GALNT10: variants seen among roughly 807,000 people sequenced by gnomAD.
The protein encoded by GALNT10 is GalNAc transferase 10.
In GALNT10, 41 loss-of-function variants were observed where a neutral mutation model predicts 75.0. That is an observed-to-expected ratio of 0.55 (90% confidence interval 0.43 to 0.71). The LOEUF (loss-of-function observed/expected upper bound fraction) is 0.71. GALNT10 is among the 30% of genes least tolerant of loss of function. The pLI, the probability that GALNT10 is intolerant of heterozygous loss-of-function variation, is 0.00. For missense variants in GALNT10, 727 were observed against 818.5 expected, an observed-to-expected ratio of 0.89 and a Z score of 1.36; for synonymous variants, 302 against 313.0, an observed-to-expected ratio of 0.96 and a Z score of 0.37.
chr5:154,338,484 T>C (rs1754979195), intron 4 of GALNT10: 1 of 250,116 alleles, frequency 4.0e-6, no homozygotes, highest in Non-Finnish European at 7.8e-6. Context: ...TAATGGTGCT[T>C]CCTCAGTGGC....
intron 1 of GALNT10, among the ~76,000 whole-genome samples, chr5:154,273,963 A>C (rs190497869): frequency 2.4e-3 from 359 of 152,308 alleles, no homozygotes; most frequent in African/African-American, 8.3e-3. Flanking sequence ...CATTGAATGT[A>C]GTTTGAAAAT....
intron 1 of GALNT10, among the ~76,000 whole-genome samples, chr5:154,221,691 TG>T (rs1315079199): frequency 1.3e-5 from 2 of 152,218 alleles, no homozygotes; most frequent in East Asian, 1.9e-4. Context: ...TGCCAGGACT[TG>T]GGTACTGAAG....
chr5:154,269,730 G>A (rs1442281872), intron 1 of GALNT10, among the ~76,000 whole-genome samples: 4 of 152,226 alleles, frequency 2.6e-5, no homozygotes, highest in African/African-American at 4.8e-5. Flanking sequence ...TGTCAGTGGA[G>A]GGAGCCTGGT....
chr5:154,323,135 T>A (rs1391956214), intron 3 of GALNT10, among the ~76,000 whole-genome samples: 1 of 152,218 alleles, frequency 6.6e-6, no homozygotes, highest in African/African-American at 2.4e-5. Context: ...AGATAGTAAA[T>A]GTTACGGGCT....
rs768068079 is a variant in GALNT10 at position 154,412,886 on chromosome 5, C to G, written c.1387-3C>G. ...GTCCACTTCTTCCCTCTTTCCCTTT[C>G]AGATCCGAAATGTGGGCACAGGGCT... On this transcript the variant is annotated splice_polypyrimidine_tract_variant and splice_region_variant and intron_variant, in intron 9 of 11. Transcript: ENST00000297107. The surrounding 1 kb of genome is among the most constrained non-coding windows in gnomAD (Gnocchi z 4.2). The G allele has an allele frequency of 6.2e-6, 10 of 1,606,532 alleles. No individual in the cohort carries two copies. The South Asian group carries it at 9.9e-5, about 16-fold the overall frequency.
chr5:154,275,085 TAC>T (rs1159822622), intron 1 of GALNT10, among the ~76,000 whole-genome samples: 3 of 152,236 alleles, frequency 2.0e-5, no homozygotes, highest in Non-Finnish European at 4.4e-5. Flanking sequence ...CTCTCTGGAC[TAC>T]CACATCACCG....
intron 1 of GALNT10, among the ~76,000 whole-genome samples, chr5:154,252,405 A>G (rs745581723): frequency 6.6e-6 from 1 of 152,156 alleles, no homozygotes; most frequent in African/African-American, 2.4e-5. Flanking sequence ...AGATATTGAT[A>G]ACAGTTTTGC....
chr5:154,344,217 T>G (rs1456408831), intron 4 of GALNT10, among the ~76,000 whole-genome samples: 1 of 146,176 alleles, frequency 6.8e-6, no homozygotes, highest in Non-Finnish European at 1.5e-5. Flanking sequence ...TTCTTTTTTT[T>G]TTTTTTTTGA....
At chr5:154,196,645 G>A (rs185115755) in intron 1 of GALNT10, among the ~76,000 whole-genome samples, 1 of 152,276 alleles carries the variant, frequency 6.6e-6, no homozygotes, top group East Asian at 1.9e-4. Context: ...CTAGAGGAGA[G>A]GGTCTGTCTC....
intron 4 of GALNT10, among the ~76,000 whole-genome samples, chr5:154,372,200 G>C (rs1010580562): frequency 1.1e-4 from 16 of 152,174 alleles, no homozygotes; most frequent in African/African-American, 3.9e-4. Flanking sequence ...TGTGCCCTCA[G>C]TTTCCTCATC....
At chr5:154,383,152 C>T (rs565145280) in intron 6 of GALNT10, among the ~76,000 whole-genome samples, 4 of 152,328 alleles carry the variant, frequency 2.6e-5, no homozygotes, top group Non-Finnish European at 4.4e-5. Context: ...TCCCATGATT[C>T]CTTCCAGAAG....
chr5:154,239,805 G>A (rs1211139876), intron 1 of GALNT10, among the ~76,000 whole-genome samples: 1 of 152,202 alleles, frequency 6.6e-6, no homozygotes, highest in Admixed American at 6.5e-5. Context: ...TTCTGGCCTT[G>A]TAGTAATAGA....
intron 4 of GALNT10, 87 bp downstream of exon 4, chr5:154,329,825 G>C: frequency 1.1e-6 from 1 of 900,894 alleles, no homozygotes. Flanking sequence ...TTCTTTAGCA[G>C]CATCAACATA....
intron 1 of GALNT10, among the ~76,000 whole-genome samples, chr5:154,231,950 G>A (rs2113663004): frequency 6.6e-6 from 1 of 152,304 alleles, no homozygotes; most frequent in Non-Finnish European, 1.5e-5. Context: ...AGCCCAAAGA[G>A]CCTGTTAAGT....
chr5:154,253,002 G>GTTTTTTTTTT (rs373849888), intron 1 of GALNT10, among the ~76,000 whole-genome samples: 2 of 89,846 alleles, frequency 2.2e-5, no homozygotes, highest in East Asian at 4.0e-4. Flanking sequence ...TTTTTTAGTG[G>GTTTTTTTTTT]TTTTTTTTTT....
intron 3 of GALNT10, among the ~76,000 whole-genome samples, chr5:154,328,830 A>G (rs1015968621): frequency 2.6e-5 from 4 of 152,186 alleles, no homozygotes; most frequent in Non-Finnish European, 4.4e-5. Flanking sequence ...GATATTAGAA[A>G]GGATACAAAT....
At chr5:154,401,801 C>G (rs1475600252) in intron 7 of GALNT10, among the ~76,000 whole-genome samples, 1 of 152,142 alleles carries the variant, frequency 6.6e-6, no homozygotes, top group Non-Finnish European at 1.5e-5. Flanking sequence ...CCTTCTAGAG[C>G]CCCTGAATTA....
chr5:154,301,449 T>C (rs1026857145), intron 3 of GALNT10, among the ~76,000 whole-genome samples: 2 of 152,174 alleles, frequency 1.3e-5, no homozygotes, highest in Admixed American at 6.5e-5. Flanking sequence ...ACATGTGATG[T>C]TTTGATATGG....
chr5:154,393,061 A>AAAAAAAAC (rs1755936166), intron 7 of GALNT10: 1 of 76,938 alleles, frequency 1.3e-5, no homozygotes, highest in Non-Finnish European at 2.5e-5. Flanking sequence ...TCTCCACAAA[A>AAAAAAAAC]AAAAAAAAAA....
Sources: gnomAD v4.1 joint callset for allele counts (sites outside exome capture counted in the v4.1 genomes callset) on GRCh38, gnomAD v4.1.1 for gene constraint, Gnocchi (gnomAD v3.1) non-coding constraint, MANE v1.5 for transcripts, NCBI Gene and HGNC (gene_info 2026-07-23, HGNC 2026-07-21) for gene names.